The following ST3GAL4 variants were observed in gnomAD, a reference collection of about 807,000 sequenced individuals.
ST3GAL4 encodes the protein CMP-N-acetylneuraminate-beta-galactosamide-alpha-2,3-sialyltransferase 4.
ST3GAL4 carries 24 observed loss-of-function variants against 42.6 expected under a neutral mutation model. That is an observed-to-expected ratio of 0.56 (90% CI 0.41 to 0.79). The LOEUF (loss-of-function observed/expected upper bound fraction) is 0.79. Among genes scored for constraint, ST3GAL4 ranks in the 30% least tolerant of loss-of-function variants. ST3GAL4 has a pLI of 0.00. For missense variants in ST3GAL4, 311 were observed against 430.8 expected (o/e 0.72, Z 2.46); for synonymous variants, 135 against 163.2 (o/e 0.83, Z 1.32).
Position 126,366,380 on chromosome 11 carries a change from TG to T in ST3GAL4, c.-61+10539del, listed in dbSNP as rs1380258979. On this transcript the variant is annotated intron_variant, in intron 1 of 10. Coordinates refer to ENST00000444328, the MANE Select transcript of ST3GAL4 (RefSeq NM_001254757.2). This position sits in a 1 kb window ranked among gnomAD's most constrained non-coding sequence, Gnocchi z 4.2. ...GGGGGCGTGCAGAGAGGAGGAGGAC[TG>T]AGAGCTGGGTGTGTGTGTGCGCATG... Among the ~76,000 whole-genome samples, 1 of 152,018 alleles carries T rather than the reference TG, an allele frequency of 6.6e-6. No homozygotes were observed. Among genetic ancestry groups the T allele is most frequent in the Non-Finnish European group, 1.5e-5 (1 of 67,994 alleles).
At position 126,384,357 on chromosome 11, in the gene ST3GAL4, G is replaced by T. The variant is rs1286144318; in HGVS notation, c.-60-21739G>T. Among the ~76,000 whole-genome samples, 1 of 152,164 alleles carries T rather than the reference G, an allele frequency of 6.6e-6. No individual in the cohort carries two copies. The highest frequency in any genetic ancestry group is 2.4e-5 in the African/African-American group (1 of 41,424). On this transcript the variant is annotated intron_variant, in intron 1 of 10. Transcript: ENST00000444328. The surrounding 1 kb of genome is among the most constrained non-coding windows in gnomAD (Gnocchi z 5.5). ...CCTGAATTCAGAGGCTGTACTGTGG[G>T]GCAGGGCTGGAATTTGTGGCACCTG...
rs920581572 is a variant in ST3GAL4, at chr11:126,396,956, G to T, written c.-60-9140G>T. Among the ~76,000 whole-genome samples, 2 of 152,060 alleles carry T rather than the reference G, an allele frequency of 1.3e-5. No homozygotes were observed. Among genetic ancestry groups the T allele is most frequent in the African/African-American group, 4.8e-5 (2 of 41,330 alleles). ...ATTTGGAAATGTCTGGAAACACTTT[G>T]TCACACCTGAGAAGAGGGATTTCCT... On this transcript the variant is annotated intron_variant, in intron 1 of 10. Coordinates refer to ENST00000444328, the MANE Select transcript of ST3GAL4 (RefSeq NM_001254757.2). This position sits in a 1 kb window ranked among gnomAD's most constrained non-coding sequence, Gnocchi z 5.8.
At chr11:126,362,048 A>G (rs534504979) in intron 1 of ST3GAL4, among the ~76,000 whole-genome samples, 1 of 150,742 alleles carries the variant, frequency 6.6e-6, no homozygotes, top group East Asian at 2.0e-4. Context: ...CTCCTGGCTA[A>G]TTTTTGTACT....
chr11:126,384,814 T>C lies in ST3GAL4; in HGVS notation c.-60-21282T>C. On this transcript the variant is annotated intron_variant, in intron 1 of 10. Coordinates refer to ENST00000444328, the MANE Select transcript of ST3GAL4 (RefSeq NM_001254757.2). The surrounding 1 kb of genome is among the most constrained non-coding windows in gnomAD (Gnocchi z 5.5). ...GTGCCTCTGCCTGTCTCCCTGGCCGTGGCAGGTCCTTTGTCACATATGGGC... is the reference window on the plus strand; with the variant it reads ...GTGCCTCTGCCTGTCTCCCTGGCCGCGGCAGGTCCTTTGTCACATATGGGC... The C allele has an allele frequency of 1.0e-6, 1 of 985,354 alleles. No homozygotes were observed. Among genetic ancestry groups the C allele is most frequent in the Non-Finnish European group, 1.2e-6 (1 of 829,926 alleles). 61.0% of individuals were successfully genotyped at this position (985,354 alleles called of 1,614,324 possible).
In ST3GAL4 at chr11:126,407,015, C is replaced by G; in HGVS notation, c.174C>G (p.Leu58=). The G allele has an allele frequency of 1.2e-6, 2 of 1,613,932 alleles. No homozygotes were observed. Among genetic ancestry groups the G allele is most frequent in the Non-Finnish European group, 1.7e-6 (2 of 1,179,912 alleles). The change falls in exon 4 of 11, where the codon CTC becomes CTG. Residue 58 remains leucine (L), a synonymous_variant. Coordinates refer to ENST00000444328, the MANE Select transcript of ST3GAL4 (RefSeq NM_001254757.2). ...QGEAESKASK[L]FGNYSRDQPI... ...AGGCAGAGAGCAAGGCCTCTAAGCT[C>G]TTTGGCAAGTAAGTACTTAAGGATG...
In ST3GAL4 at chr11:126,359,224, A is replaced by G. The variant is rs1952167852; in HGVS notation, c.-61+3382A>G. Among the ~76,000 whole-genome samples, 1 of 152,110 alleles carries G rather than the reference A, an allele frequency of 6.6e-6. No individual in the cohort carries two copies. The highest frequency in any genetic ancestry group is 6.5e-5 in the Admixed American group (1 of 15,278). ...CTGTACATCTGTCCCCATAATGAAAATGGCCTCAGCAAATAACAAAAATAT... is the reference window on the plus strand; with the variant it reads ...CTGTACATCTGTCCCCATAATGAAAGTGGCCTCAGCAAATAACAAAAATAT... On this transcript the variant is annotated intron_variant, in intron 1 of 10. Transcript: ENST00000444328. The surrounding 1 kb of genome is among the most constrained non-coding windows in gnomAD (Gnocchi z 4.8).
chr11:126,372,761 G>A (rs1055151586), intron 1 of ST3GAL4, among the ~76,000 whole-genome samples: 9 of 152,106 alleles, frequency 5.9e-5, no homozygotes, highest in Non-Finnish European at 5.9e-5. Flanking sequence ...TCCTTTACAT[G>A]AATTTCCTTT....
intron 1 of ST3GAL4, among the ~76,000 whole-genome samples, chr11:126,369,536 C>T (rs541819895): frequency 1.3e-5 from 2 of 152,152 alleles, no homozygotes; most frequent in Non-Finnish European, 2.9e-5. Context: ...CATGAGCCAC[C>T]GTGCTGGCTG....
chr11:126,358,266 C>T (rs555673363), intron 1 of ST3GAL4: 38 of 264,178 alleles, frequency 1.4e-4, no homozygotes, highest in South Asian at 9.5e-4. Flanking sequence ...GCTCCCGCTC[C>T]GTGTTTCCCT....
Position 126,406,922 on chromosome 11 carries a change from C to T in ST3GAL4, c.102-21C>T, listed in dbSNP as rs948362144. On this transcript the variant is annotated intron_variant, in intron 3 of 10. Transcript: ENST00000444328. This position sits in a 1 kb window ranked among gnomAD's most constrained non-coding sequence, Gnocchi z 5.4. ...CTGGGTCTGACTGGGGCTTCTGCCT[C>T]CTGTCCTTTTTTCTCTCCAGTTTTT... is the stretch of plus-strand genomic sequence containing the variant. The T allele has an allele frequency of 1.5e-5, 24 of 1,611,244 alleles. No homozygotes were observed. Among genetic ancestry groups the T allele is most frequent in the Non-Finnish European group, 2.0e-5 (23 of 1,177,878 alleles).
At position 126,376,783 on chromosome 11, in the gene ST3GAL4, T is replaced by C. The variant is rs1190014588; in HGVS notation, c.-61+20941T>C. ...CTGTTACCACCACCAATGTAGTCAC[T>C]GGGACAAAGAGTCAGGTAGATGTTG... On this transcript the variant is annotated intron_variant, in intron 1 of 10. Coordinates refer to ENST00000444328, the MANE Select transcript of ST3GAL4 (RefSeq NM_001254757.2). This position sits in a 1 kb window ranked among gnomAD's most constrained non-coding sequence, Gnocchi z 5.1. The C allele has an allele frequency of 2.0e-5, 3 of 152,242 alleles. No individual in the cohort carries two copies. The highest frequency in any genetic ancestry group is 1.9e-4 in the East Asian group (1 of 5,204). 9.4% of individuals were successfully genotyped at this position (152,242 alleles called of 1,614,324 possible).
chr11:126,357,168 A>G (rs1260520900), intron 1 of ST3GAL4, among the ~76,000 whole-genome samples: 1 of 152,108 alleles, frequency 6.6e-6, no homozygotes, highest in Admixed American at 6.5e-5. Context: ...TGGTCTGGGA[A>G]TGCCCCTTGA....
At chr11:126,401,578 G>GAA (rs373164060) in intron 1 of ST3GAL4, among the ~76,000 whole-genome samples, 3 of 139,878 alleles carry the variant, frequency 2.1e-5, no homozygotes, top group Non-Finnish European at 4.7e-5. Context: ...AGAAGAAGAA[G>GAA]AAAAAAAAAA....
At chr11:126,413,928 T>A (rs1353597504) in intron 10 of ST3GAL4, 33 bp from the exon 11 acceptor site, 3 of 1,610,168 alleles carry the variant, frequency 1.9e-6, no homozygotes, top group Admixed American at 3.3e-5. Context: ...TCCCTGGGAG[T>A]CCCTCAGTTT....
chr11:126,407,722 GTGAAACAGTCA>G (rs1312606816), intron 6 of ST3GAL4, 88 bp downstream of exon 6: 1 of 1,320,874 alleles, frequency 7.6e-7, no homozygotes, highest in Non-Finnish European at 1.0e-6. Flanking sequence ...CCCCCGCTCT[GTGAAACAGTCA>G]TGGACTGGTA....
chr11:126,409,174 T>C lies in ST3GAL4; in HGVS notation c.628-94T>C. On this transcript the variant is annotated intron_variant, in intron 8 of 10. Transcript: ENST00000444328. The surrounding 1 kb of genome is among the most constrained non-coding windows in gnomAD (Gnocchi z 4.9). ...GCTCCTGAAGGCCTCTGCCATCGCT[T>C]GGACCCCCTCGCCTCGCTGAGGACC... The C allele has an allele frequency of 6.6e-7, 1 of 1,524,528 alleles. No homozygotes were observed. The highest frequency in any genetic ancestry group is 9.0e-7 in the Non-Finnish European group (1 of 1,116,540). The allele number at this position is 1,524,528 out of a possible 1,614,324, so 94.4% of individuals were successfully genotyped here.
chr11:126,395,515 G>C lies in ST3GAL4; in HGVS notation c.-60-10581G>C, dbSNP rs538903519. On this transcript the variant is annotated intron_variant, in intron 1 of 10. Coordinates refer to ENST00000444328, the MANE Select transcript of ST3GAL4 (RefSeq NM_001254757.2). Reference sequence around the variant, plus strand: ...TGGTGAGGCTGGTGTGGGTTGGGCAGTGATACGGTTTGGCTGTGTCCCCAC... The same window carrying C: ...TGGTGAGGCTGGTGTGGGTTGGGCACTGATACGGTTTGGCTGTGTCCCCAC... Among the ~76,000 whole-genome samples, 47 of 152,304 alleles carry C rather than the reference G, an allele frequency of 3.1e-4. No individual in the cohort carries two copies. The East Asian group carries it at 9.1e-3, about 29-fold the overall frequency.
In ST3GAL4 at chr11:126,393,325, G is replaced by A. The variant is rs1953592358; in HGVS notation, c.-60-12771G>A. On this transcript the variant is annotated intron_variant, in intron 1 of 10. Coordinates refer to ENST00000444328, the MANE Select transcript of ST3GAL4 (RefSeq NM_001254757.2). This position sits in a 1 kb window ranked among gnomAD's most constrained non-coding sequence, Gnocchi z 5.9. ...CAAGGTATGTGAGGTGGGTAGCTGG[G>A]TGGCCCGCCCCTTGCAGGCACTGGG... The A allele has an allele frequency of 6.6e-6, 1 of 152,294 alleles. No homozygotes were observed. The highest frequency in any genetic ancestry group is 1.5e-5 in the Non-Finnish European group (1 of 68,138). The allele number at this position is 152,294 out of a possible 1,614,324, so 9.4% of individuals were successfully genotyped here.
At position 126,408,341 on chromosome 11, in the gene ST3GAL4, G is replaced by A; in HGVS notation, c.472G>A (p.Asp158Asn). The change falls in exon 8 of 11, where the codon GAC becomes AAC. Residue 158 changes from aspartate (D) to asparagine (N), a missense_variant. Transcript: ENST00000444328. ...TGCCCCAGTGGCTGGCTATGAGGGT[G>A]ACGTGGGCTCCAAGACCACCATGCG... ...NNAPVAGYEG[D>N]VGSKTTMRLF... 6.2e-7 allele frequency: 1 copy of A among 1,614,194 alleles called. No homozygotes were observed. The highest frequency in any genetic ancestry group is 1.7e-5 in the Admixed American group (1 of 60,028).
Sources: gnomAD v4.1 joint callset for allele counts (sites outside exome capture counted in the v4.1 genomes callset) on GRCh38, gnomAD v4.1.1 for gene constraint, Gnocchi (gnomAD v3.1) non-coding constraint, MANE v1.5 for transcripts, NCBI Gene and HGNC (gene_info 2026-07-23, HGNC 2026-07-21) for gene names.